The following FAM81A variants were observed in gnomAD, a reference collection of about 807,000 sequenced individuals.
FAM81A encodes protein FAM81A.
A neutral mutation model predicts 46.7 loss-of-function variants in FAM81A; 19 were observed. The ratio of observed to expected loss-of-function variants is 0.41; its 90% CI spans 0.28 to 0.60. The LOEUF (loss-of-function observed/expected upper bound fraction) is 0.60. Among genes scored for constraint, FAM81A ranks in the 20% least tolerant of loss-of-function variants. FAM81A has a pLI of 0.34. For missense variants in FAM81A, 377 were observed against 453.5 expected (o/e 0.83, Z 1.53); for synonymous variants, 183 against 152.9 (o/e 1.20, Z -1.45).
At chr15:59,455,574 TAACA>T (rs1449218299) in intron 1 of FAM81A, among the ~76,000 whole-genome samples, 7 of 152,228 alleles carry the variant, frequency 4.6e-5, no homozygotes, top group Non-Finnish European at 1.0e-4. Context: ...ATCGTGATGC[TAACA>T]AACCAAGCGA....
At chr15:59,475,443 G>A (rs1361596418) in intron 3 of FAM81A, among the ~76,000 whole-genome samples, 1 of 152,182 alleles carries the variant, frequency 6.6e-6, no homozygotes, top group African/African-American at 2.4e-5. Context: ...ACCATGCCTG[G>A]CCTAAACATG....
Position 59,456,338 on chromosome 15 carries a change from C to A in FAM81A, c.-77-2212C>A, listed in dbSNP as rs954048490. ...AGCAGGTGATTGTGGTAGGGAGTGG[C>A]CAAATATGAGGGCGGAAGAACAGGT... On this transcript the variant is annotated intron_variant, in intron 1 of 8. Transcript: ENST00000288228. Among the ~76,000 whole-genome samples the A allele has an allele frequency of 7.2e-5, 11 of 152,002 alleles. No individual in the cohort carries two copies. The South Asian group carries it at 2.3e-3, about 32-fold the overall frequency.
chr15:59,489,002 A>T (rs2081951622), intron 3 of FAM81A, among the ~76,000 whole-genome samples: 1 of 152,106 alleles, frequency 6.6e-6, no homozygotes, highest in Non-Finnish European at 1.5e-5. Context: ...GCGGTGGCTC[A>T]CGCCTGTAAT....
chr15:59,489,794 A>G (rs1332036263), intron 3 of FAM81A, among the ~76,000 whole-genome samples: 2 of 152,232 alleles, frequency 1.3e-5, no homozygotes, highest in Non-Finnish European at 2.9e-5. Context: ...AGCCATGATC[A>G]TGCAATGGGG....
intron 8 of FAM81A, among the ~76,000 whole-genome samples, chr15:59,519,769 T>C (rs2082308612): frequency 6.6e-6 from 1 of 152,196 alleles, no homozygotes; most frequent in Admixed American, 6.5e-5. Flanking sequence ...ATAATATTCA[T>C]CATTTGTATA....
At chr15:59,434,310 C>A (rs1360135653), upstream of FAM81A, among the ~76,000 whole-genome samples, 1 of 152,228 alleles carries the variant, frequency 6.6e-6, no homozygotes, top group African/African-American at 2.4e-5. Context: ...TTTCCCTTAT[C>A]TTAAAAACAT....
intron 6 of FAM81A, among the ~76,000 whole-genome samples, chr15:59,510,105 C>G (rs2141824859): frequency 6.6e-6 from 1 of 152,204 alleles, no homozygotes; most frequent in South Asian, 2.1e-4. Context: ...GTGGCTCATG[C>G]CTATAATCTC....
chr15:59,440,939 C>T (rs776885911), intron 1 of FAM81A, among the ~76,000 whole-genome samples: 1 of 152,204 alleles, frequency 6.6e-6, no homozygotes. Context: ...AGGAGGAAGT[C>T]ACAAAGACCT....
chr15:59,494,808 T>C (rs1367962989), intron 4 of FAM81A, among the ~76,000 whole-genome samples: 1 of 152,232 alleles, frequency 6.6e-6, no homozygotes, highest in African/African-American at 2.4e-5. Context: ...TATTATTTCA[T>C]ATTTAATTTT....
intron 1 of FAM81A, chr15:59,445,386 T>C (rs983725093): frequency 6.6e-6 from 1 of 152,222 alleles, no homozygotes; most frequent in Non-Finnish European, 1.5e-5. Context: ...GGGAAGATGT[T>C]ATTCAGAAAC....
At chr15:59,405,938 T>A (rs767374377) in intron 2 of FAM81A, among the ~76,000 whole-genome samples, 2 of 152,214 alleles carry the variant, frequency 1.3e-5, no homozygotes, top group Non-Finnish European at 2.9e-5. Context: ...GAACAGTCAG[T>A]CACCTAGGGT....
At chr15:59,419,384 C>T (rs2081160861) in intron 2 of FAM81A, among the ~76,000 whole-genome samples, 1 of 152,142 alleles carries the variant, frequency 6.6e-6, no homozygotes, top group African/African-American at 2.4e-5. Flanking sequence ...CTAGAAACTT[C>T]CCCTAATCTC....
At chr15:59,438,142 G>C (rs1241522847), upstream of FAM81A, 2 of 146,266 alleles carry the variant, frequency 1.4e-5, no homozygotes, top group Non-Finnish European at 3.0e-5. Flanking sequence ...GGGCCAGGCG[G>C]CAGGCGCGCG....
chr15:59,409,122 G>A (rs1427700646), intron 2 of FAM81A: 2 of 152,152 alleles, frequency 1.3e-5, no homozygotes, highest in Non-Finnish European at 2.9e-5. Flanking sequence ...CCTGAAAGGG[G>A]AAGCGAGGAA....
At position 59,481,774 on chromosome 15, in the gene FAM81A, A is replaced by G. The variant is rs543821307; in HGVS notation, c.295-10497A>G. ...GGGTCAAAGGTTATGAACATTATGA[A>G]TATATATTTTTTGGCATTGGTCTCC... is the stretch of plus-strand genomic sequence containing the variant. On this transcript the variant is annotated intron_variant, in intron 3 of 8. Transcript: ENST00000288228. Among the ~76,000 whole-genome samples the G allele has an allele frequency of 2.0e-5, 3 of 151,892 alleles. No individual in the cohort carries two copies. In the East Asian group the frequency reaches 5.8e-4, roughly 30 times the overall value.
At chr15:59,514,758 G>T (rs571173518) in intron 7 of FAM81A, among the ~76,000 whole-genome samples, 116 of 152,236 alleles carry the variant, frequency 7.6e-4, no homozygotes, top group African/African-American at 2.3e-3. Context: ...TTAATTTCTT[G>T]ATCTGGGTTT....
intron 1 of FAM81A, among the ~76,000 whole-genome samples, chr15:59,453,619 G>A (rs2081445776): frequency 1.3e-5 from 2 of 152,136 alleles, no homozygotes; most frequent in African/African-American, 4.8e-5. Flanking sequence ...TGTGCAAAGG[G>A]AGAGTGAGAG....
intron 1 of FAM81A, among the ~76,000 whole-genome samples, chr15:59,439,792 A>G (rs1471433423): frequency 5.9e-5 from 9 of 152,150 alleles, no homozygotes; most frequent in East Asian, 5.8e-4. Flanking sequence ...AGCCCTACCA[A>G]CCATTTAATG....
chr15:59,401,477 C>T, intron 1 of FAM81A: 4 of 765,692 alleles, frequency 5.2e-6, no homozygotes, highest in Non-Finnish European at 9.5e-6. Context: ...GAAACGCAAG[C>T]CCATTGGCCT....
Sources: gnomAD v4.1 joint callset for allele counts (sites outside exome capture counted in the v4.1 genomes callset) on GRCh38, gnomAD v4.1.1 for gene constraint, MANE v1.5 for transcripts, NCBI Gene and HGNC (gene_info 2026-07-23, HGNC 2026-07-21) for gene names.